Variants in MAPK8IP2 observed in about 807,000 individuals in gnomAD.
The protein encoded by MAPK8IP2 is C-Jun-amino-terminal kinase-interacting protein 2.
Under a neutral mutation model 75.6 loss-of-function variants are expected in MAPK8IP2, and 15 were observed. That is an observed-to-expected ratio of 0.20 (90% CI 0.13 to 0.31). MAPK8IP2 has a LOEUF of 0.31. Among genes scored for constraint, MAPK8IP2 ranks in the 10% least tolerant of loss-of-function variants. MAPK8IP2 has a pLI of 1.00. For synonymous variants in MAPK8IP2, 632 were observed against 554.5 expected (o/e 1.14, Z -1.96); for missense variants, 1,089 against 1,211.2 (o/e 0.90, Z 1.50).
Position 50,610,249 on chromosome 22 carries a change from C to T in MAPK8IP2, c.2341C>T (p.Arg781Cys), listed in dbSNP as rs1216770530. ...GFITKHPLLS[R>C]FACHVFVSQE... ...CATCACCAAACACCCCCTGCTGAGC[C>T]GCTTCGCCTGCCACGTCTTTGTCTC... Residue 781 changes from arginine to cysteine, a missense_variant, in exon 11 of 12, where the codon CGC becomes TGC. By Grantham distance (180) the Arg-to-Cys change is radical. Coordinates refer to ENST00000329492, the MANE Select transcript of MAPK8IP2 (RefSeq NM_012324.6). This position sits in a 1 kb window ranked among gnomAD's most constrained non-coding sequence, Gnocchi z 4.3. 13 of 1,600,880 alleles carry T rather than the reference C, an allele frequency of 8.1e-6. No individual in the cohort carries two copies. The highest frequency in any genetic ancestry group is 1.7e-5 in the Admixed American group (1 of 57,730).
chr22:50,602,196 A>T (rs931859274), intron 2 of MAPK8IP2, among the ~76,000 whole-genome samples: 7 of 152,130 alleles, frequency 4.6e-5, no homozygotes, highest in Non-Finnish European at 8.8e-5. Context: ...CACTCCCAGA[A>T]AGATCTAATC....
intron 2 of MAPK8IP2, among the ~76,000 whole-genome samples, 163 bp downstream of exon 2, chr22:50,602,057 A>G (rs2070947356): frequency 6.6e-6 from 1 of 151,570 alleles, no homozygotes; most frequent in African/African-American, 2.4e-5. Flanking sequence ...CTTGGTATCA[A>G]CTCTCTCTTA....
rs2071180017 is a variant in MAPK8IP2 at position 50,613,333 on chromosome 22, T to A, written c.*2554T>A. 1 of 152,562 alleles carries A rather than the reference T, an allele frequency of 6.6e-6. No individual in the cohort carries two copies. Among genetic ancestry groups the A allele is most frequent in the Admixed American group, 6.5e-5 (1 of 15,272 alleles). 9.5% of individuals were successfully genotyped at this position (152,562 alleles called of 1,614,324 possible). On this transcript the variant is annotated 3_prime_UTR_variant, in exon 12 of 12. Transcript: ENST00000329492. ...TCCCGACCCCTGCATTCATCTGTGT[T>A]CTGTTTTATGTTTTTTCCCAGTCAC...
chr22:50,607,499 A>G lies in MAPK8IP2; in HGVS notation c.2303+508A>G, dbSNP rs1378533144. Among the ~76,000 whole-genome samples the G allele has an allele frequency of 6.6e-6, 1 of 152,090 alleles. No individual in the cohort carries two copies. Among genetic ancestry groups the G allele is most frequent in the Admixed American group, 6.6e-5 (1 of 15,262 alleles). ...TTAATCTTGCTGGTAATGAGGCCAT[A>G]GAAGGCTCCTAATGGAAGGAGGTGA... On this transcript the variant is annotated intron_variant, in intron 10 of 11. Coordinates refer to ENST00000329492, the MANE Select transcript of MAPK8IP2 (RefSeq NM_012324.6). The surrounding 1 kb of genome is among the most constrained non-coding windows in gnomAD (Gnocchi z 5.6).
At chr22:50,605,799 T>C in intron 7 of MAPK8IP2, 26 bp from the exon 8 acceptor site, 1 of 1,592,742 alleles carries the variant, frequency 6.3e-7, no homozygotes, top group African/African-American at 1.3e-5. Context: ...CTGCCTGACC[T>C]GGGCCCTCTG....
intron 5 of MAPK8IP2, 37 bp from the exon 6 acceptor site, chr22:50,605,323 TCTGTCTCC>T (rs752614396): frequency 1.3e-6 from 2 of 1,576,974 alleles, no homozygotes; most frequent in Non-Finnish European, 1.7e-6. Context: ...CTACTCTGAC[TCTGTCTCC>T]CTGTCTCCCC....
At chr22:50,603,138 C>T in intron 2 of MAPK8IP2, 85 bp from the exon 3 acceptor site, 1 of 1,604,828 alleles carries the variant, frequency 6.2e-7, no homozygotes, top group African/African-American at 1.3e-5. Context: ...GACTGATGCT[C>T]CCCGATTTCC....
Position 50,605,558 on chromosome 22 carries a change from G to A in MAPK8IP2, c.1842-4G>A. On this transcript the variant is annotated splice_polypyrimidine_tract_variant and splice_region_variant and intron_variant, in intron 6 of 11. Transcript: ENST00000329492. ...CTCCCCAGTGACCTCTCCCCCAACG[G>A]CAGGTTCATCCCGCGGCATCCAGAC... 6.3e-7 allele frequency: 1 copy of A among 1,582,456 alleles called. No individual in the cohort carries two copies.
chr22:50,605,313 C>G (rs2146685894), intron 5 of MAPK8IP2, 55 bp from the exon 6 acceptor site: 3 of 1,546,040 alleles, frequency 1.9e-6, no homozygotes, highest in Non-Finnish European at 2.7e-6. Context: ...CCTCTAAGCA[C>G]TACTCTGACT....
rs1426926371 is a variant in MAPK8IP2 at position 50,607,796 on chromosome 22, G to GA, written c.2303+807dup. 6.6e-6 allele frequency among the ~76,000 whole-genome samples: 1 copy of GA among 152,062 alleles called. No individual in the cohort carries two copies. The highest frequency in any genetic ancestry group is 1.5e-5 in the Non-Finnish European group (1 of 68,002). ...GGAGTTTAGGAGGGAGACCTGGAGGGAAGATACCAGGTCAGAGCAGGTAGA... is the reference window on the plus strand; with the variant it reads ...GGAGTTTAGGAGGGAGACCTGGAGGGAAAGATACCAGGTCAGAGCAGGTAGA... On this transcript the variant is annotated intron_variant, in intron 10 of 11. Transcript: ENST00000329492. This position sits in a 1 kb window ranked among gnomAD's most constrained non-coding sequence, Gnocchi z 5.6.
In MAPK8IP2 at chr22:50,610,792, T is replaced by A. The variant is rs2071136748; in HGVS notation, c.*13T>A. The stretch of plus-strand genomic sequence containing the variant: ...CTACCTGGAGTAGCCTGCCCACCGC[T>A]CTGTCTCCTGGCCGTCTGCTCCAGG... On this transcript the variant is annotated 3_prime_UTR_variant, in exon 12 of 12. Transcript: ENST00000329492. This position sits in a 1 kb window ranked among gnomAD's most constrained non-coding sequence, Gnocchi z 4.3. 1.3e-6 allele frequency: 2 copies of A among 1,597,406 alleles called. No individual in the cohort carries two copies. Among genetic ancestry groups the A allele is most frequent in the Non-Finnish European group, 1.7e-6 (2 of 1,172,660 alleles).
Position 50,604,835 on chromosome 22 carries a change from G to A in MAPK8IP2, c.1536G>A (p.Thr512=), listed in dbSNP as rs773508231. 3.2e-6 allele frequency: 5 copies of A among 1,578,502 alleles called. No homozygotes were observed. The highest frequency in any genetic ancestry group is 1.3e-5 in the African/African-American group (1 of 74,318). Residue 512 remains threonine (T), a synonymous_variant, in exon 5 of 12, where the codon ACG becomes ACA. Coordinates refer to ENST00000329492, the MANE Select transcript of MAPK8IP2 (RefSeq NM_012324.6). ...ASLVYDAVKY[T]LVVDEHTQLE... ...TGGTGTACGACGCGGTCAAGTACAC[G>A]CTGGTGGTGGATGAGCACACGCAGC...
chr22:50,603,507 C>A lies in MAPK8IP2; in HGVS notation c.447+9C>A. On this transcript the variant is annotated intron_variant, in intron 3 of 11. Coordinates refer to ENST00000329492, the MANE Select transcript of MAPK8IP2 (RefSeq NM_012324.6). Reference sequence around the variant, plus strand: ...CCACACTGGGGGCCCAGGTGAGTGCCCGGACCCACAGCTCCCTGGAGCTGA... The same window carrying A: ...CCACACTGGGGGCCCAGGTGAGTGCACGGACCCACAGCTCCCTGGAGCTGA... The A allele has an allele frequency of 6.4e-7, 1 of 1,564,466 alleles. No homozygotes were observed. Among genetic ancestry groups the A allele is most frequent in the Non-Finnish European group, 8.7e-7 (1 of 1,151,132 alleles).
rs1453502623 is a variant in MAPK8IP2 at position 50,603,821 on chromosome 22, C to A, written c.542-20C>A. ...GCCTGGGTGGTGCAGAGAGGGTGAC[C>A]CCACCTCCCTGCCCAGCAGAGCTCC... On this transcript the variant is annotated intron_variant, in intron 4 of 11. Coordinates refer to ENST00000329492, the MANE Select transcript of MAPK8IP2 (RefSeq NM_012324.6). 7 of 1,523,444 alleles carry A rather than the reference C, an allele frequency of 4.6e-6. No homozygotes were observed. In the Admixed American group the frequency reaches 1.0e-4, roughly 22 times the overall value. The allele number at this position is 1,523,444 out of a possible 1,614,324, so 94.4% of individuals were successfully genotyped here. A position where few individuals can be genotyped will look rare whatever the true frequency, so the allele number is the denominator to read the frequency against.
chr22:50,604,453 C>T lies in MAPK8IP2; in HGVS notation c.1154C>T (p.Ser385Leu), dbSNP rs1423695124. The part of the protein sequence containing the change: ...PAPRPPGEPV[S>L]PAGGAAQDSQ... ...CCGCGCCCGCCCGGGGAGCCCGTGTCGCCGGCCGGCGGGGCCGCCCAGGAC... is the reference window on the plus strand; with the variant it reads ...CCGCGCCCGCCCGGGGAGCCCGTGTTGCCGGCCGGCGGGGCCGCCCAGGAC... The change falls in exon 5 of 12, where the codon TCG becomes TTG. Residue 385 changes from serine to leucine, a missense_variant. Ser to Leu is a moderately radical substitution (Grantham distance 145, BLOSUM62 -2). Transcript: ENST00000329492. 4 of 1,382,840 alleles carry T rather than the reference C, an allele frequency of 2.9e-6. No individual in the cohort carries two copies. Among genetic ancestry groups the T allele is most frequent in the Admixed American group, 3.5e-5 (1 of 28,980 alleles). The allele number at this position is 1,382,840 out of a possible 1,614,324, so 85.7% of individuals were successfully genotyped here.
intron 10 of MAPK8IP2, chr22:50,609,700 A>G (rs753704962): frequency 1.6e-5 from 8 of 495,546 alleles, no homozygotes; most frequent in African/African-American, 9.7e-5. Context: ...GGAGCTGGGC[A>G]GTGACTCCAT....
rs1231073035 is a variant in MAPK8IP2 at position 50,604,681 on chromosome 22, G to A, written c.1382G>A (p.Arg461Gln). ...CCCGGCCGCGCCGCCCGCCCGGGAC[G>A]AGCCTGCTCCGCCGCCTGCTCCGAG... ...AAPGRAARPG[R>Q]ACSAACSEEE... Residue 461 changes from arginine to glutamine, a missense_variant, in exon 5 of 12, where the codon CGA (arginine) becomes CAA (glutamine). Around this residue, in one of 2 missense-constraint regions of MAPK8IP2, gnomAD observed 960 missense variants for 1,009.6 expected, o/e 0.95. Coordinates refer to ENST00000329492, the MANE Select transcript of MAPK8IP2 (RefSeq NM_012324.6). 1.9e-5 allele frequency: 29 copies of A among 1,522,908 alleles called. No homozygotes were observed. Among genetic ancestry groups the A allele is most frequent in the African/African-American group, 4.2e-5 (3 of 71,410 alleles). The allele number at this position is 1,522,908 out of a possible 1,614,324, so 94.3% of individuals were successfully genotyped here.
In MAPK8IP2 at chr22:50,612,655, C is replaced by T. The variant is rs1466167120; in HGVS notation, c.*1876C>T. The T allele has an allele frequency of 6.6e-6, 1 of 152,330 alleles. No homozygotes were observed. Among genetic ancestry groups the T allele is most frequent in the African/African-American group, 2.4e-5 (1 of 41,468 alleles). The allele number at this position is 152,330 out of a possible 1,614,324, so 9.4% of individuals were successfully genotyped here. On this transcript the variant is annotated 3_prime_UTR_variant, in exon 12 of 12. Transcript: ENST00000329492. Reference sequence around the variant, plus strand: ...CGCAGAACGTTTATGAGAAAACTTTCCTACTAATTGAGATAAAGCTGTAAA... The same window carrying T: ...CGCAGAACGTTTATGAGAAAACTTTTCTACTAATTGAGATAAAGCTGTAAA...
intron 2 of MAPK8IP2, 67 bp downstream of exon 2, chr22:50,601,961 C>A: frequency 1.5e-6 from 2 of 1,358,108 alleles, no homozygotes; most frequent in South Asian, 1.2e-5. Flanking sequence ...TCTTAGCGTT[C>A]ACTTGGGGTT....
Sources: gnomAD v4.1 joint callset for allele counts (sites outside exome capture counted in the v4.1 genomes callset) on GRCh38, gnomAD v4.1.1 for gene constraint, gnomAD v4.1.1 regional missense constraint, Gnocchi (gnomAD v3.1) non-coding constraint, MANE v1.5 for transcripts, NCBI Gene and HGNC (gene_info 2026-07-23, HGNC 2026-07-21) for gene names.